Variants in PRKG1 observed in about 807,000 individuals in gnomAD.
PRKG1 encodes the protein protein kinase cGMP-dependent 1, also known as cGMP-dependent protein kinase 1.
In PRKG1, 35 loss-of-function variants were observed where a neutral mutation model predicts 88.1. That is an observed-to-expected ratio of 0.40 (90% confidence interval 0.30 to 0.53). The LOEUF (loss-of-function observed/expected upper bound fraction) is 0.53. Among genes scored for constraint, PRKG1 ranks in the 20% least tolerant of loss-of-function variants. PRKG1 has a pLI of 0.59. For synonymous variants in PRKG1, 303 were observed against 292.5 expected (o/e 1.04, Z -0.37); for missense variants, 540 against 839.8 (o/e 0.64, Z 4.41).
chr10:52,268,699 C>T (rs1841639501), intron 10 of PRKG1, among the ~76,000 whole-genome samples: 1 of 151,970 alleles, frequency 6.6e-6, no homozygotes, highest in Non-Finnish European at 1.5e-5. Flanking sequence ...AAAAAAAAAC[C>T]TGAACATGAA....
intron 2 of PRKG1, among the ~76,000 whole-genome samples, chr10:51,328,804 G>T (rs926318899): frequency 6.6e-6 from 1 of 152,186 alleles, no homozygotes; most frequent in African/African-American, 2.4e-5. Context: ...CCATTTGTTT[G>T]TCTTATTTTG....
intron 4 of PRKG1, among the ~76,000 whole-genome samples, chr10:51,862,109 T>C (rs1343427717): frequency 6.6e-6 from 1 of 152,174 alleles, no homozygotes; most frequent in Non-Finnish European, 1.5e-5. Context: ...ATGTTACAGT[T>C]CTGTCTCATT....
At chr10:52,152,860 C>T (rs1214479808) in intron 8 of PRKG1, among the ~76,000 whole-genome samples, 1 of 152,038 alleles carries the variant, frequency 6.6e-6, no homozygotes, top group African/African-American at 2.4e-5. Context: ...GGATTAGATA[C>T]AGAGGAAGGA....
At chr10:51,149,135 C>G (rs1178189581) in intron 1 of PRKG1, among the ~76,000 whole-genome samples, 2 of 152,070 alleles carry the variant, frequency 1.3e-5, no homozygotes, top group Admixed American at 1.3e-4. Context: ...AATGCTTTTC[C>G]TCGTCATCAC....
chr10:51,852,911 G>A (rs1282407613), intron 4 of PRKG1, among the ~76,000 whole-genome samples: 3 of 152,030 alleles, frequency 2.0e-5, no homozygotes, highest in Admixed American at 2.0e-4. Flanking sequence ...AATAGTTTAC[G>A]ATTTTATCAG....
chr10:51,880,053 G>A (rs985057374), intron 4 of PRKG1, among the ~76,000 whole-genome samples: 2 of 152,144 alleles, frequency 1.3e-5, no homozygotes, highest in Admixed American at 6.5e-5. Flanking sequence ...GCTTCTGGAC[G>A]TATTTTCTCA....
chr10:51,236,507 T>A (rs1296420132), intron 2 of PRKG1, among the ~76,000 whole-genome samples: 1 of 149,554 alleles, frequency 6.7e-6, no homozygotes, highest in Non-Finnish European at 1.5e-5. Flanking sequence ...TAAACCAGGT[T>A]CTTTTTTTTT....
Position 50,992,709 on chromosome 10 carries a change from C to T in PRKG1, c.266+1065C>T, listed in dbSNP as rs555703510. 2.0e-5 allele frequency among the ~76,000 whole-genome samples: 3 copies of T among 152,168 alleles called. 1 individual carries two copies. The highest frequency in any genetic ancestry group is 6.8e-3 in the Middle Eastern group (2 of 294). ...CCACAAGTAGGAAGCTTTTGCACTC[C>T]ACTCGTCGCCTTCACCGGAGAAGGC... On this transcript the variant is annotated intron_variant, in intron 1 of 17. Coordinates refer to the PRKG1 transcript ENST00000401604.
chr10:51,613,681 G>A (rs1226597594), intron 3 of PRKG1, among the ~76,000 whole-genome samples: 1 of 151,548 alleles, frequency 6.6e-6, no homozygotes, highest in Non-Finnish European at 1.5e-5. Context: ...GTTTTGGTAT[G>A]TTGTTTCCAT....
intron 1 of PRKG1, among the ~76,000 whole-genome samples, chr10:51,003,868 A>G (rs1301257881): frequency 1.3e-5 from 2 of 152,142 alleles, no homozygotes; most frequent in Admixed American, 1.3e-4. Flanking sequence ...AATAGTACCT[A>G]GGCTTCTTTC....
intron 9 of PRKG1, among the ~76,000 whole-genome samples, chr10:52,183,911 A>G (rs1293401791): frequency 6.6e-6 from 1 of 152,138 alleles, no homozygotes; most frequent in African/African-American, 2.4e-5. Context: ...GGGGGCTGCT[A>G]GTGTTCTTCC....
chr10:51,184,534 G>C (rs1187673954), intron 2 of PRKG1, among the ~76,000 whole-genome samples: 3 of 152,114 alleles, frequency 2.0e-5, no homozygotes, highest in Non-Finnish European at 4.4e-5. Flanking sequence ...TGAACATGTA[G>C]GAAGTTATCT....
intron 2 of PRKG1, among the ~76,000 whole-genome samples, chr10:51,191,005 G>A (rs1837617804): frequency 6.6e-6 from 1 of 151,770 alleles, no homozygotes; most frequent in South Asian, 2.1e-4. Flanking sequence ...TCTTTCCCTG[G>A]TTCACTAGAA....
intron 12 of PRKG1, among the ~76,000 whole-genome samples, chr10:52,274,672 T>C (rs990962920): frequency 1.3e-5 from 2 of 151,982 alleles, no homozygotes; most frequent in Non-Finnish European, 2.9e-5. Context: ...TAAACATGAG[T>C]ATGCAAGTAT....
intron 4 of PRKG1, among the ~76,000 whole-genome samples, chr10:51,808,790 C>G (rs1937650): frequency 0.68 from 102,861 of 151,446 alleles, 35,040 homozygotes; most frequent in Middle Eastern, 0.71. Flanking sequence ...TTGTAAATGA[C>G]TTGAAGGGGT....
Position 51,927,916 on chromosome 10 carries a change from A to T in PRKG1, c.762+20346A>T, listed in dbSNP as rs556549809. Among the ~76,000 whole-genome samples, 9 of 152,296 alleles carry T rather than the reference A, an allele frequency of 5.9e-5. No individual in the cohort carries two copies. In the South Asian group the frequency reaches 1.9e-3, roughly 32 times the overall value. ...GCTGATTTTGGCAGCAATGAACTAG[A>T]CCTTAATTCTCTGGATACATTTCTG... On this transcript the variant is annotated intron_variant, in intron 5 of 17. Coordinates refer to ENST00000373980, the MANE Select transcript of PRKG1 (RefSeq NM_006258.4).
chr10:51,579,570 T>G (rs564570460), intron 3 of PRKG1, among the ~76,000 whole-genome samples: 4 of 152,272 alleles, frequency 2.6e-5, no homozygotes, highest in South Asian at 4.1e-4. Context: ...TATACCATAT[T>G]TACCAATTTT....
Position 51,989,698 on chromosome 10 carries a change from C to T in PRKG1, c.763-64786C>T, listed in dbSNP as rs114267163. Among the ~76,000 whole-genome samples, 1,190 of 151,990 alleles carry T rather than the reference C, an allele frequency of 7.8e-3. 22 individuals are homozygous for T. Among genetic ancestry groups the T allele is most frequent in the African/African-American group, 0.027 (1,137 of 41,476 alleles). ...CATTGAGCAGCATAGATGTCATGAA[C>T]ATAGGAACAATTTAGAGAATCTATA... On this transcript the variant is annotated intron_variant, in intron 5 of 17. Coordinates refer to ENST00000373980, the MANE Select transcript of PRKG1 (RefSeq NM_006258.4).
chr10:51,091,660 T>C (rs1037889206), intron 1 of PRKG1, among the ~76,000 whole-genome samples: 9 of 152,126 alleles, frequency 5.9e-5, no homozygotes, highest in African/African-American at 2.2e-4. Flanking sequence ...ATTGAAGCAT[T>C]TAGTTTTGTG....
Sources: allele counts gnomAD v4.1 joint callset (sites outside exome capture counted in the v4.1 genomes callset), GRCh38; gene constraint gnomAD v4.1.1; transcripts MANE v1.5; gene names NCBI Gene and HGNC (gene_info 2026-07-23, HGNC 2026-07-21).